Variants in SPAG16 observed in about 807,000 individuals in gnomAD.
The protein encoded by SPAG16 is sperm-associated antigen 16 protein.
SPAG16 carries 86 observed loss-of-function variants against 80.4 expected under a neutral mutation model. That is an observed-to-expected ratio of 1.07 (90% CI 0.90 to 1.28). The LOEUF is 1.28. Among genes scored for constraint, SPAG16 ranks in the 50% most tolerant of loss-of-function variants. SPAG16 has a pLI of 0.00. For synonymous variants in SPAG16, 294 were observed against 265.9 expected (o/e 1.11, Z -1.03); for missense variants, 870 against 765.3 (o/e 1.14, Z -1.61).
intron 11 of SPAG16, among the ~76,000 whole-genome samples, chr2:213,889,548 G>T (rs1020245709): frequency 2.0e-5 from 3 of 150,590 alleles, no homozygotes; most frequent in Admixed American, 6.7e-5. Context: ...AGTCAAAGGG[G>T]GCTGTTCTCT....
intron 15 of SPAG16, among the ~76,000 whole-genome samples, chr2:214,383,232 G>A (rs1365124092): frequency 6.6e-6 from 1 of 152,092 alleles, no homozygotes; most frequent in Admixed American, 6.5e-5. Context: ...CATATAATAA[G>A]GGGTCCTAAG....
At chr2:214,220,144 AC>A (rs1345448516) in intron 15 of SPAG16, among the ~76,000 whole-genome samples, 2 of 152,126 alleles carry the variant, frequency 1.3e-5, no homozygotes, top group Non-Finnish European at 2.9e-5. Flanking sequence ...GGATTTTTAT[AC>A]CTAAGTTAGC....
intron 11 of SPAG16, among the ~76,000 whole-genome samples, chr2:213,929,203 G>A (rs994639557): frequency 6.6e-6 from 1 of 151,360 alleles, no homozygotes. Flanking sequence ...TAGTAGAGAC[G>A]GGGTTTCACC....
At chr2:213,764,369 CA>C (rs1434623982) in intron 10 of SPAG16, among the ~76,000 whole-genome samples, 4 of 149,868 alleles carry the variant, frequency 2.7e-5, no homozygotes, top group Admixed American at 6.6e-5. Context: ...TAGGAACATT[CA>C]GGGGGAAAAA....
intron 10 of SPAG16, among the ~76,000 whole-genome samples, chr2:213,534,086 AT>A (rs1433786698): frequency 6.6e-6 from 1 of 152,048 alleles, no homozygotes; most frequent in African/African-American, 2.4e-5. Flanking sequence ...GTTTTTAGCC[AT>A]TTTTTAAGGT....
At chr2:213,344,291 C>A (rs1024647926) in intron 6 of SPAG16, among the ~76,000 whole-genome samples, 2 of 152,072 alleles carry the variant, frequency 1.3e-5, no homozygotes, top group African/African-American at 4.8e-5. Flanking sequence ...CAGGGTAGCT[C>A]CAGCATTTCC....
chr2:213,463,076 T>C (rs1347495460), intron 9 of SPAG16, among the ~76,000 whole-genome samples: 3 of 152,198 alleles, frequency 2.0e-5, no homozygotes, highest in Non-Finnish European at 4.4e-5. Context: ...ATGAGGAACT[T>C]GTTGGGAACT....
intron 11 of SPAG16, among the ~76,000 whole-genome samples, chr2:213,920,507 G>T (rs993751178): frequency 3.9e-5 from 6 of 152,200 alleles, no homozygotes; most frequent in Non-Finnish European, 7.3e-5. Flanking sequence ...GGAAGCTGCA[G>T]TGGGGGTAGG....
chr2:214,112,822 T>C (rs1576244965), intron 14 of SPAG16, among the ~76,000 whole-genome samples: 1 of 152,300 alleles, frequency 6.6e-6, no homozygotes, highest in East Asian at 1.9e-4. Context: ...CCCATTTACA[T>C]TTAAGGTTAA....
chr2:214,019,938 A>G (rs2047775565), intron 13 of SPAG16, among the ~76,000 whole-genome samples: 1 of 152,190 alleles, frequency 6.6e-6, no homozygotes, highest in African/African-American at 2.4e-5. Flanking sequence ...TAATTGCTAT[A>G]TATTCTATAT....
intron 10 of SPAG16, among the ~76,000 whole-genome samples, chr2:213,566,358 C>T (rs1312210990): frequency 1.3e-5 from 2 of 152,054 alleles, no homozygotes; most frequent in Non-Finnish European, 2.9e-5. Flanking sequence ...GCAAAACATT[C>T]AGAGGGAAAA....
At chr2:214,371,350 T>A (rs1314721029) in intron 15 of SPAG16, among the ~76,000 whole-genome samples, 1 of 151,828 alleles carries the variant, frequency 6.6e-6, no homozygotes, top group Non-Finnish European at 1.5e-5. Context: ...CTGACCAACA[T>A]GGAGAAATCC....
At position 213,453,597 on chromosome 2, in the gene SPAG16, T is replaced by A. The variant is rs143887331; in HGVS notation, c.943-36366T>A. On this transcript the variant is annotated intron_variant, in intron 9 of 15. Coordinates refer to ENST00000331683, the MANE Select transcript of SPAG16 (RefSeq NM_024532.5). Reference sequence around the variant, plus strand: ...AAAAATGTTTGCAGGATGAACCACTTAAGTAAGGGAGACCCAGTGGACATC... The same window carrying A: ...AAAAATGTTTGCAGGATGAACCACTAAAGTAAGGGAGACCCAGTGGACATC... Among the ~76,000 whole-genome samples the A allele has an allele frequency of 7.0e-3, 1,072 of 152,268 alleles. 13 individuals carry two copies. The highest frequency in any genetic ancestry group is 0.031 in the South Asian group (151 of 4,814).
intron 10 of SPAG16, among the ~76,000 whole-genome samples, chr2:213,589,741 G>T (rs143524809): frequency 2.3e-3 from 354 of 152,104 alleles, no homozygotes; most frequent in Admixed American, 4.1e-3. Flanking sequence ...GGACAACATG[G>T]TGAAATCCCG....
intron 12 of SPAG16, among the ~76,000 whole-genome samples, chr2:213,993,325 A>G (rs552251214): frequency 1.3e-5 from 2 of 152,334 alleles, no homozygotes; most frequent in East Asian, 1.9e-4. Context: ...CACACAGTGC[A>G]AAATATTTTG....
intron 15 of SPAG16, among the ~76,000 whole-genome samples, chr2:214,279,977 C>T (rs1049850114): frequency 6.6e-6 from 1 of 152,148 alleles, no homozygotes; most frequent in African/African-American, 2.4e-5. Flanking sequence ...GATGCTAAAG[C>T]AGTTCTTAGG....
chr2:213,419,911 T>C (rs900603901), intron 9 of SPAG16, among the ~76,000 whole-genome samples: 4 of 152,212 alleles, frequency 2.6e-5, no homozygotes, highest in African/African-American at 9.6e-5. Context: ...ATAGATGCAT[T>C]ATGGGTACCA....
chr2:214,215,030 A>G (rs970953007), intron 15 of SPAG16, among the ~76,000 whole-genome samples: 1 of 152,034 alleles, frequency 6.6e-6, no homozygotes, highest in African/African-American at 2.4e-5. Context: ...GGTACTTCAT[A>G]AATGTTAGTG....
intron 13 of SPAG16, among the ~76,000 whole-genome samples, chr2:214,080,997 G>A (rs1338882725): frequency 6.6e-6 from 1 of 151,942 alleles, no homozygotes; most frequent in East Asian, 1.9e-4. Flanking sequence ...CACACTTTGA[G>A]AACCACTGAA....
Sources: allele counts gnomAD v4.1 joint callset (sites outside exome capture counted in the v4.1 genomes callset), GRCh38; gene constraint gnomAD v4.1.1; transcripts MANE v1.5; gene names NCBI Gene and HGNC (gene_info 2026-07-23, HGNC 2026-07-21).